INSL6: variants seen among roughly 807,000 people sequenced by gnomAD.
INSL6 encodes insulin like 6, also known as insulin-like peptide INSL6.
In INSL6, 16 loss-of-function variants were observed where a neutral mutation model predicts 9.4. The ratio of observed to expected loss-of-function variants is 1.70; its 90% CI spans 1.15 to 2.59. The LOEUF (loss-of-function observed/expected upper bound fraction) is 2.59, where lower values mean the gene tolerates loss of function less well. Ranked by LOEUF, INSL6 falls within the 30% of genes most tolerant of loss-of-function variation. The pLI is 0.00. For synonymous variants in INSL6, 154 were observed against 96.9 expected (o/e 1.59, Z -3.46); for missense variants, 391 against 257.3 (o/e 1.52, Z -3.56).
At chr9:5,174,393 A>C (rs549566945) in intron 1 of INSL6, among the ~76,000 whole-genome samples, 1 of 152,244 alleles carries the variant, frequency 6.6e-6, no homozygotes, top group Non-Finnish European at 1.5e-5. Context: ...TGAAGGTCAC[A>C]AACATATTGC....
intron 1 of INSL6, among the ~76,000 whole-genome samples, chr9:5,176,845 A>G (rs1211750520): frequency 6.6e-6 from 1 of 152,218 alleles, no homozygotes. Context: ...GTTGCTGGAT[A>G]AAGATCAACC....
At chr9:5,106,867 T>C in the INSL6 span, among the ~76,000 whole-genome samples, 1 of 152,014 alleles carries the variant, frequency 6.6e-6, no homozygotes, top group African/African-American at 2.4e-5. Flanking sequence ...CTTGGACACA[T>C]GGCAGGGAAC....
intron 2 of INSL6, among the ~76,000 whole-genome samples, chr9:5,146,497 T>C (rs995707624): frequency 2.6e-5 from 4 of 152,160 alleles, no homozygotes; most frequent in Non-Finnish European, 5.9e-5. Flanking sequence ...GGGTGCTGGA[T>C]AGCACAGGTG....
At chr9:5,112,545 G>A in the INSL6 span, 3 of 603,484 alleles carry the variant, frequency 5.0e-6, no homozygotes, top group African/African-American at 1.9e-5. Flanking sequence ...GGGAGAAGCA[G>A]GTGGCCAATA....
chr9:5,034,374 C>T, the INSL6 span, among the ~76,000 whole-genome samples: 2 of 152,154 alleles, frequency 1.3e-5, no homozygotes, highest in South Asian at 2.1e-4. Flanking sequence ...TTGAATTCAG[C>T]TCTGGACCAA....
the INSL6 span, among the ~76,000 whole-genome samples, chr9:5,047,237 A>T: frequency 6.6e-6 from 1 of 152,236 alleles, no homozygotes; most frequent in African/African-American, 2.4e-5. Context: ...AGCAAATGTG[A>T]CCAGTGGCAT....
rs577332477 is a variant in INSL6 at position 5,131,339 on chromosome 9, T to G, written c.*10+2086A>C. ...CTTAGTAACATTTAAGACCCCTCAATTTTTTATTAGAGAAAAAAAGTTGTT... is the reference window on the plus strand; with the variant it reads ...CTTAGTAACATTTAAGACCCCTCAAGTTTTTATTAGAGAAAAAAAGTTGTT... On this transcript the variant is annotated intron_variant, in intron 3 of 3. Coordinates refer to the INSL6 transcript ENST00000649639. Among the ~76,000 whole-genome samples, 10 of 152,188 alleles carry G rather than the reference T, an allele frequency of 6.6e-5. 1 individual carries two copies. In the South Asian group the frequency reaches 1.9e-3, roughly 28 times the overall value.
chr9:5,085,532 C>G, the INSL6 span: 1 of 712,694 alleles, frequency 1.4e-6, no homozygotes, highest in South Asian at 1.5e-5. Flanking sequence ...ACCAAATCTT[C>G]AATAACTCGG....
At chr9:5,085,275 TG>T in the INSL6 span, 1 of 696,950 alleles carries the variant, frequency 1.4e-6, no homozygotes, top group South Asian at 1.4e-5. Context: ...CAGCTGATGT[TG>T]GTTTGCCTAT....
the INSL6 span, chr9:5,090,551 A>G: frequency 6.3e-7 from 1 of 1,587,434 alleles, no homozygotes; most frequent in Non-Finnish European, 8.6e-7. Flanking sequence ...CTTCTGCAGT[A>G]CACATCTCAG....
At chr9:5,081,643 T>G in the INSL6 span, 2 of 914,080 alleles carry the variant, frequency 2.2e-6, no homozygotes, top group East Asian at 2.4e-5. Context: ...CACGATTATT[T>G]TGGTCAACTT....
intron 3 of INSL6, among the ~76,000 whole-genome samples, chr9:5,128,972 G>A (rs1046109566): frequency 1.3e-5 from 2 of 151,778 alleles, no homozygotes; most frequent in African/African-American, 2.4e-5. Flanking sequence ...TTTTCCATGG[G>A]TACTTGTTTG....
At chr9:5,137,944 A>T (rs186050392) in intron 2 of INSL6, among the ~76,000 whole-genome samples, 1 of 147,068 alleles carries the variant, frequency 6.8e-6, no homozygotes, top group African/African-American at 2.6e-5. Flanking sequence ...CATTTCTCAA[A>T]AGAAGACATT....
the INSL6 span, among the ~76,000 whole-genome samples, chr9:5,014,939 G>T: frequency 2.2e-4 from 34 of 151,296 alleles, no homozygotes; most frequent in South Asian, 6.9e-3. Context: ...TTTTTTGCGG[G>T]GGCGGGGGGA....
At chr9:5,066,814 G>T in the INSL6 span, 3 of 1,042,606 alleles carry the variant, frequency 2.9e-6, no homozygotes, top group Non-Finnish European at 2.8e-6. Context: ...CTTATTAGTG[G>T]TAACACTTTA....
the INSL6 span, chr9:5,085,260 C>G: frequency 1.5e-6 from 1 of 683,580 alleles, no homozygotes; most frequent in South Asian, 1.4e-5. Flanking sequence ...ACCTGAGATT[C>G]ACATCAGCTG....
intron 1 of INSL6, among the ~76,000 whole-genome samples, chr9:5,184,534 TCTG>T (rs1825527146): frequency 6.6e-6 from 1 of 152,250 alleles, no homozygotes; most frequent in Admixed American, 6.5e-5. Flanking sequence ...TGCTAGGCCA[TCTG>T]CTAAGCATTT....
the INSL6 span, among the ~76,000 whole-genome samples, chr9:5,002,062 T>C: frequency 2.0e-5 from 3 of 152,098 alleles, no homozygotes; most frequent in Admixed American, 6.5e-5. Context: ...TAATATGTGT[T>C]CTTTTCTGTT....
downstream of INSL6, among the ~76,000 whole-genome samples, chr9:5,119,644 G>A (rs1274279394): frequency 6.6e-6 from 1 of 152,104 alleles, no homozygotes; most frequent in African/African-American, 2.4e-5. Context: ...TATGAAGTAA[G>A]GTATATGGTA....
Sources: gnomAD v4.1 joint callset for allele counts (sites outside exome capture counted in the v4.1 genomes callset) on GRCh38, gnomAD v4.1.1 for gene constraint, MANE v1.5 for transcripts, NCBI Gene and HGNC (gene_info 2026-07-23, HGNC 2026-07-21) for gene names.